MED12L: variants seen among roughly 807,000 people sequenced by gnomAD.
The protein encoded by MED12L is mediator complex subunit 12L.
MED12L carries 60 observed loss-of-function variants against 281.3 expected under a neutral mutation model. The ratio of observed to expected loss-of-function variants is 0.21; its 90% CI spans 0.17 to 0.26. MED12L has a LOEUF of 0.26. MED12L is among the 10% of genes least tolerant of loss of function. The pLI is 1.00. For missense variants in MED12L, 2,146 were observed against 2,680.9 expected (o/e 0.80, Z 4.41); for synonymous variants, 974 against 987.2 (o/e 0.99, Z 0.25).
chr3:151,294,150 C>G (rs768841545), intron 16 of MED12L: 12 of 1,400,564 alleles, frequency 8.6e-6, no homozygotes, highest in Non-Finnish European at 3.0e-6. Context: ...CATATCGATT[C>G]CAACAAACAA....
intron 22 of MED12L, 111 bp from the exon 23 acceptor site, chr3:151,365,739 A>T: frequency 1.0e-6 from 1 of 1,002,032 alleles, no homozygotes; most frequent in Non-Finnish European, 1.4e-6. Flanking sequence ...CTGTGAATCT[A>T]AGAAAATGAC....
intron 5 of MED12L, among the ~76,000 whole-genome samples, chr3:151,139,545 T>TA (rs2148855936): frequency 6.6e-6 from 1 of 152,350 alleles, no homozygotes; most frequent in South Asian, 2.1e-4. Context: ...TCCATTTTGT[T>TA]AGATTCTGCC....
intron 16 of MED12L, among the ~76,000 whole-genome samples, chr3:151,229,934 G>A (rs1001594359): frequency 6.6e-6 from 1 of 152,016 alleles, no homozygotes; most frequent in Non-Finnish European, 1.5e-5. Flanking sequence ...TACTTTTTAT[G>A]AGTCCTAGGC....
intron 16 of MED12L, among the ~76,000 whole-genome samples, chr3:151,263,132 G>T (rs538292830): frequency 6.6e-6 from 1 of 152,104 alleles, no homozygotes. Context: ...GGGCGAAGTG[G>T]GTGCAGAGAT....
intron 16 of MED12L, among the ~76,000 whole-genome samples, chr3:151,267,003 G>C (rs909934809): frequency 3.3e-5 from 5 of 152,160 alleles, no homozygotes; most frequent in African/African-American, 1.2e-4. Context: ...TTTATACATA[G>C]TGTTGACAAA....
chr3:151,209,231 G>A (rs76899204), intron 16 of MED12L, among the ~76,000 whole-genome samples: 3,238 of 152,278 alleles, frequency 0.021, 118 homozygotes, highest in East Asian at 0.18. Flanking sequence ...AGATAGGAAT[G>A]CAGTAACATC....
intron 24 of MED12L, 149 bp downstream of exon 24, chr3:151,367,915 A>G (rs530157135): frequency 9.9e-7 from 1 of 1,005,918 alleles, no homozygotes; most frequent in African/African-American, 1.6e-5. Context: ...GAATTTTAAT[A>G]GTTATTTTAT....
At chr3:151,287,542 G>A (rs533596884) in intron 16 of MED12L, among the ~76,000 whole-genome samples, 1 of 152,306 alleles carries the variant, frequency 6.6e-6, no homozygotes, top group South Asian at 2.1e-4. Flanking sequence ...CTTGGATGGG[G>A]TGGAGACAGA....
In MED12L at chr3:151,122,981, A is replaced by T; in HGVS notation, c.396+7A>T. ...TTCTATTTTGGCAAAAAAGGTATCA[A>T]ATATTTCTTACATTGTTTTAGTTAT... On this transcript the variant is annotated splice_region_variant and intron_variant, in intron 4 of 44. Transcript: ENST00000687756. 1 of 1,589,352 alleles carries T rather than the reference A, an allele frequency of 6.3e-7. No homozygotes were observed. The highest frequency in any genetic ancestry group is 1.1e-5 in the South Asian group (1 of 87,880).
chr3:151,380,737 T>G (rs1204195012), intron 32 of MED12L, among the ~76,000 whole-genome samples: 1 of 152,124 alleles, frequency 6.6e-6, no homozygotes, highest in Non-Finnish European at 1.5e-5. Flanking sequence ...ATATATACAA[T>G]AAATGTGTAC....
intron 16 of MED12L, among the ~76,000 whole-genome samples, chr3:151,245,304 G>T (rs1735162139): frequency 6.6e-6 from 1 of 151,934 alleles, no homozygotes; most frequent in Non-Finnish European, 1.5e-5. Flanking sequence ...AAGCTGGGCA[G>T]AGACACAACC....
chr3:151,314,901 A>G (rs2149794288), intron 16 of MED12L, among the ~76,000 whole-genome samples: 1 of 152,296 alleles, frequency 6.6e-6, no homozygotes, highest in Admixed American at 6.5e-5. Context: ...CACTGATAAT[A>G]TTTGGTACAA....
intron 44 of MED12L, 94 bp downstream of exon 44, chr3:151,430,474 C>T: frequency 6.4e-7 from 1 of 1,570,754 alleles, no homozygotes; most frequent in South Asian, 1.2e-5. Flanking sequence ...AAGATGGTAC[C>T]ATCTTCCTCA....
At chr3:151,256,055 T>G (rs1737756606) in intron 16 of MED12L, among the ~76,000 whole-genome samples, 1 of 152,242 alleles carries the variant, frequency 6.6e-6, no homozygotes, top group African/African-American at 2.4e-5. Context: ...AACTGCATGG[T>G]TCAACATATG....
intron 16 of MED12L, among the ~76,000 whole-genome samples, chr3:151,307,531 CTCTGTGTGTGTGTG>C (rs1426188741): frequency 0.018 from 2,182 of 120,520 alleles, 59 homozygotes; most frequent in African/African-American, 0.06. Flanking sequence ...AGGTAACTTG[CTCTGTGTGTGTGTG>C]TGTGTGTGTG....
intron 16 of MED12L, among the ~76,000 whole-genome samples, chr3:151,204,991 A>G (rs1436450315): frequency 6.6e-6 from 1 of 152,232 alleles, no homozygotes. Context: ...AATTTTTAGA[A>G]TAGTGAGAAT....
chr3:151,156,572 A>C (rs1181473396), intron 6 of MED12L, among the ~76,000 whole-genome samples: 1 of 152,220 alleles, frequency 6.6e-6, no homozygotes, highest in African/African-American at 2.4e-5. Context: ...GCTATTAATT[A>C]GTTCGTAATT....
In MED12L at chr3:151,194,213, C is replaced by T. The variant is rs1276728993; in HGVS notation, c.2250+547C>T. Reference sequence around the variant, plus strand: ...AACTCCTGACCTCAGGTGATCCGTCCGCCTAGGCCTCTCAGAGTGCTGGGA... The same window carrying T: ...AACTCCTGACCTCAGGTGATCCGTCTGCCTAGGCCTCTCAGAGTGCTGGGA... On this transcript the variant is annotated intron_variant, in intron 16 of 44. Coordinates refer to ENST00000687756, the MANE Select transcript of MED12L (RefSeq NM_001393769.1). Among the ~76,000 whole-genome samples, 12 of 152,144 alleles carry T rather than the reference C, an allele frequency of 7.9e-5. No individual in the cohort carries two copies. In the South Asian group the frequency reaches 1.5e-3, roughly 18 times the overall value.
chr3:151,384,263 G>T, intron 35 of MED12L, 45 bp downstream of exon 35: 2 of 1,538,394 alleles, frequency 1.3e-6, no homozygotes, highest in Non-Finnish European at 1.8e-6. Flanking sequence ...GTTGTTTATG[G>T]ATTTATTATC....
Sources: gnomAD v4.1 joint callset for allele counts (sites outside exome capture counted in the v4.1 genomes callset) on GRCh38, gnomAD v4.1.1 for gene constraint, MANE v1.5 for transcripts, NCBI Gene and HGNC (gene_info 2026-07-23, HGNC 2026-07-21) for gene names.